COL28A1: variants seen among roughly 807,000 people sequenced by gnomAD.
The protein encoded by COL28A1 is collagen type XXVIII alpha 1 chain.
A neutral mutation model predicts 150.2 loss-of-function variants in COL28A1; 161 were observed. That is an observed-to-expected ratio of 1.07 (90% CI 0.94 to 1.22). The LOEUF (loss-of-function observed/expected upper bound fraction) is 1.22, where lower values mean the gene tolerates loss of function less well. Ranked by LOEUF, COL28A1 falls within the 50% of genes most tolerant of loss-of-function variation. The pLI is 0.00. For synonymous variants in COL28A1, 552 were observed against 469.7 expected, an observed-to-expected ratio of 1.18 and a Z score of -2.26; for missense variants, 1,617 against 1,388.3, an observed-to-expected ratio of 1.16 and a Z score of -2.62.
chr7:7,474,003 A>T (rs917109718), intron 15 of COL28A1, among the ~76,000 whole-genome samples: 1 of 147,760 alleles, frequency 6.8e-6, no homozygotes, highest in Non-Finnish European at 1.5e-5. Context: ...TATAACATAT[A>T]TTATAGTGTG....
intron 27 of COL28A1, among the ~76,000 whole-genome samples, chr7:7,402,172 T>G (rs1047977564): frequency 2.6e-5 from 4 of 152,240 alleles, no homozygotes; most frequent in African/African-American, 9.6e-5. Context: ...GGGAAACTGT[T>G]TTGCACATTG....
chr7:7,344,656 AG>A, the COL28A1 span, among the ~76,000 whole-genome samples: 2 of 152,124 alleles, frequency 1.3e-5, no homozygotes, highest in Admixed American at 6.6e-5. Context: ...GAAAAGTAAG[AG>A]AATTTTTTTC....
At chr7:7,520,350 A>G (rs944781917) in intron 5 of COL28A1, among the ~76,000 whole-genome samples, 1 of 152,182 alleles carries the variant, frequency 6.6e-6, no homozygotes, top group East Asian at 1.9e-4. Context: ...TCTTCCCACC[A>G]ATTACTTCTT....
intron 11 of COL28A1, among the ~76,000 whole-genome samples, chr7:7,494,246 A>C (rs868833248): frequency 1.3e-5 from 2 of 152,146 alleles, no homozygotes; most frequent in South Asian, 2.1e-4. Context: ...CAATCATAGG[A>C]AATAGATTTT....
chr7:7,360,124 A>T (rs891948783), intron 34 of COL28A1, among the ~76,000 whole-genome samples: 1 of 152,190 alleles, frequency 6.6e-6, no homozygotes, highest in Non-Finnish European at 1.5e-5. Flanking sequence ...CTCTAAAGGC[A>T]TTCAAATTAA....
At position 7,531,332 on chromosome 7, in the gene COL28A1, C is replaced by T; in HGVS notation, c.681+16G>A. 2 of 1,119,964 alleles carry T rather than the reference C, an allele frequency of 1.8e-6. No individual in the cohort carries two copies. Among genetic ancestry groups the T allele is most frequent in the Non-Finnish European group, 1.3e-6 (1 of 766,910 alleles). 69.4% of individuals were successfully genotyped at this position (1,119,964 alleles called of 1,614,324 possible). The stretch of plus-strand genomic sequence containing the variant: ...ATTATGATGATAACTGTATAATCAA[C>T]CCATTAGGTACCTACCAGACGATCT... On this transcript the variant is annotated intron_variant, in intron 3 of 34. Transcript: ENST00000399429.
intron 27 of COL28A1, among the ~76,000 whole-genome samples, chr7:7,391,062 C>T (rs1241383850): frequency 2.6e-5 from 4 of 151,926 alleles, no homozygotes; most frequent in East Asian, 3.9e-4. Context: ...TCTTTAGTTG[C>T]GATGTTAGGG....
At chr7:7,471,203 A>G (rs1272651890) in intron 15 of COL28A1, among the ~76,000 whole-genome samples, 2 of 151,876 alleles carry the variant, frequency 1.3e-5, no homozygotes, top group Non-Finnish European at 2.9e-5. Flanking sequence ...TAACAGACCA[A>G]TAACAAGCAG....
chr7:7,435,250 T>C (rs1785258380), intron 23 of COL28A1, among the ~76,000 whole-genome samples: 1 of 152,238 alleles, frequency 6.6e-6, no homozygotes, highest in Non-Finnish European at 1.5e-5. Context: ...GGATTGTGAA[T>C]ACACAGCTTC....
chr7:7,375,867 T>C (rs1206327573), intron 30 of COL28A1, among the ~76,000 whole-genome samples: 3 of 152,206 alleles, frequency 2.0e-5, no homozygotes, highest in African/African-American at 4.8e-5. Flanking sequence ...TACGGTGCTG[T>C]GGTGCTATAT....
chr7:7,359,078 AG>A (rs1337243459), intron 34 of COL28A1, among the ~76,000 whole-genome samples: 1 of 152,166 alleles, frequency 6.6e-6, no homozygotes, highest in Non-Finnish European at 1.5e-5. Flanking sequence ...TTTCCCTGAA[AG>A]CCTAAGTGAG....
chr7:7,368,785 T>C (rs1204768864), intron 33 of COL28A1, among the ~76,000 whole-genome samples: 2 of 152,230 alleles, frequency 1.3e-5, no homozygotes, highest in Non-Finnish European at 2.9e-5. Context: ...TAAATATTTG[T>C]TGTTTAAGCC....
At chr7:7,503,806 A>G (rs146600732) in intron 11 of COL28A1, among the ~76,000 whole-genome samples, 1 of 152,326 alleles carries the variant, frequency 6.6e-6, no homozygotes, top group Non-Finnish European at 1.5e-5. Flanking sequence ...AACCAGAACT[A>G]TGACTAGAAA....
intron 16 of COL28A1, among the ~76,000 whole-genome samples, chr7:7,455,465 C>G (rs981664004): frequency 6.6e-6 from 1 of 152,140 alleles, no homozygotes; most frequent in African/African-American, 2.4e-5. Flanking sequence ...GACATTCTTA[C>G]AGATCTTTCT....
the COL28A1 span, among the ~76,000 whole-genome samples, chr7:7,343,372 T>G: frequency 6.6e-6 from 1 of 152,050 alleles, no homozygotes; most frequent in Admixed American, 6.6e-5. Flanking sequence ...AACTTCCATG[T>G]CTCTTAACTT....
upstream of COL28A1, among the ~76,000 whole-genome samples, chr7:7,538,951 TTTC>T (rs1484377265): frequency 2.7e-4 from 41 of 152,154 alleles, no homozygotes; most frequent in Non-Finnish European, 5.1e-4. Flanking sequence ...CCTTTCTTTC[TTTC>T]TTTTTTTCTT....
chr7:7,436,583 G>A (rs533432423), intron 22 of COL28A1, 120 bp from the exon 23 acceptor site: 3 of 698,168 alleles, frequency 4.3e-6, no homozygotes, highest in Admixed American at 2.4e-5. Context: ...CAGACCTTGA[G>A]ATAGTATATT....
intron 27 of COL28A1, among the ~76,000 whole-genome samples, chr7:7,390,347 T>C (rs2128293708): frequency 6.6e-6 from 1 of 152,322 alleles, no homozygotes; most frequent in East Asian, 1.9e-4. Context: ...GAAGCCAACT[T>C]GATCGTGGTG....
chr7:7,440,742 A>G (rs1253470742), intron 21 of COL28A1, 48 bp downstream of exon 21: 1 of 754,056 alleles, frequency 1.3e-6, no homozygotes, highest in Middle Eastern at 2.4e-4. Context: ...TTAAAACCAG[A>G]CACAATACAA....
Sources: gnomAD v4.1 joint callset for allele counts (sites outside exome capture counted in the v4.1 genomes callset) on GRCh38, gnomAD v4.1.1 for gene constraint, MANE v1.5 for transcripts, NCBI Gene and HGNC (gene_info 2026-07-23, HGNC 2026-07-21) for gene names.